The following MTFR2 variants were observed in gnomAD, a reference collection of about 807,000 sequenced individuals.
The protein encoded by MTFR2 is mitochondrial fission regulator 2.
A neutral mutation model predicts 41.2 loss-of-function variants in MTFR2; 44 were observed. That is an observed-to-expected ratio of 1.07 (90% CI 0.84 to 1.37). MTFR2 has a LOEUF of 1.37. Among genes scored for constraint, MTFR2 ranks in the 40% most tolerant of loss-of-function variants. The pLI, the probability that MTFR2 is intolerant of heterozygous loss-of-function variation, is 0.00. For synonymous variants in MTFR2, 141 were observed against 154.6 expected (o/e 0.91, Z 0.65); for missense variants, 452 against 459.5 (o/e 0.98, Z 0.15).
At chr6:136,239,984 T>A (rs1302046869) in intron 5 of MTFR2, among the ~76,000 whole-genome samples, 164 bp from the exon 6 acceptor site, 2 of 151,826 alleles carry the variant, frequency 1.3e-5, no homozygotes, top group African/African-American at 4.8e-5. Flanking sequence ...AATTTAAGAG[T>A]CAAGTCAAAT....
rs941002645 is a variant in MTFR2 at position 136,241,059 on chromosome 6, C to G, written c.514+385G>C. On this transcript the variant is annotated intron_variant, in intron 5 of 7. Coordinates refer to ENST00000420702, the MANE Select transcript of MTFR2 (RefSeq NM_001099286.3). ...TGAGCCAAGATCGTGCCACTGCACT[C>G]CAGCCTGGGCGACAGAGCAAGACTG... 2.7e-5 allele frequency among the ~76,000 whole-genome samples: 4 copies of G among 150,892 alleles called. No homozygotes were observed. In the East Asian group the frequency reaches 5.8e-4, roughly 22 times the overall value.
At chr6:136,239,143 T>G (rs892579033) in intron 6 of MTFR2, among the ~76,000 whole-genome samples, 1 of 152,208 alleles carries the variant, frequency 6.6e-6, no homozygotes, top group African/African-American at 2.4e-5. Context: ...TTTAACTATT[T>G]CAGGAAGACG....
At chr6:136,231,785 C>G (rs146860687) in intron 7 of MTFR2, among the ~76,000 whole-genome samples, 1 of 151,652 alleles carries the variant, frequency 6.6e-6, no homozygotes, top group African/African-American at 2.4e-5. Context: ...AGAAACACTT[C>G]GTTTATCCAC....
chr6:136,244,219 C>G lies in MTFR2; in HGVS notation c.168+546G>C, dbSNP rs555510230. On this transcript the variant is annotated intron_variant, in intron 3 of 7. Transcript: ENST00000420702. ...CAGTAGTGTACAGTAATGTCCTAGG[C>G]CTTCAAATTCACTCACCACTCACTG... Among the ~76,000 whole-genome samples the G allele has an allele frequency of 2.6e-5, 4 of 152,276 alleles. No homozygotes were observed. The East Asian group carries it at 7.7e-4, about 29-fold the overall frequency.
At chr6:136,237,998 C>T (rs1024573911) in intron 6 of MTFR2, among the ~76,000 whole-genome samples, 3 of 152,026 alleles carry the variant, frequency 2.0e-5, no homozygotes, top group Non-Finnish European at 2.9e-5. Flanking sequence ...ACAGAGGGAT[C>T]CTTGAGGAGA....
At chr6:136,234,974 C>T (rs1779866443) in intron 6 of MTFR2, among the ~76,000 whole-genome samples, 1 of 152,190 alleles carries the variant, frequency 6.6e-6, no homozygotes, top group African/African-American at 2.4e-5. Context: ...GCAACCTCCG[C>T]CTCCCGGGCT....
chr6:136,239,549 T>G lies in MTFR2; in HGVS notation c.786A>C (p.Ser262=), dbSNP rs753103406. 8 of 1,614,230 alleles carry G rather than the reference T, an allele frequency of 5.0e-6. No homozygotes were observed. Among genetic ancestry groups the G allele is most frequent in the Non-Finnish European group, 6.8e-6 (8 of 1,180,046 alleles). ...AANKTNYSHH[S]KSQRNKDIPN... Reference sequence around the variant, plus strand: ...GAATATCTTTATTTCTCTGGCTTTTTGAATGATGACTATAATTGGTCTTAT... The same window carrying G: ...GAATATCTTTATTTCTCTGGCTTTTGGAATGATGACTATAATTGGTCTTAT... Residue 262 remains serine (S), a synonymous_variant, in exon 6 of 8, where the codon TCA becomes TCC. Coordinates refer to ENST00000420702, the MANE Select transcript of MTFR2 (RefSeq NM_001099286.3).
rs1474664568 is a variant in MTFR2 at position 136,239,687 on chromosome 6, AGGAGGAAGT to A, written c.639_647del (p.Leu214_Pro216del). ...ACGGTGGCTGGAGAGATGAAAACTG[AGGAGGAAGT>A]GGTGGAGGAGGAGGAGGAGAAAGCA... On this transcript the variant is annotated inframe_deletion, in exon 6 of 8. Transcript: ENST00000420702. 1 of 1,613,866 alleles carries A rather than the reference AGGAGGAAGT, an allele frequency of 6.2e-7. No individual in the cohort carries two copies. Among genetic ancestry groups the A allele is most frequent in the Non-Finnish European group, 8.5e-7 (1 of 1,180,006 alleles).
chr6:136,246,898 T>C (rs566438946), intron 2 of MTFR2, among the ~76,000 whole-genome samples: 2 of 152,318 alleles, frequency 1.3e-5, no homozygotes, highest in East Asian at 1.9e-4. Context: ...TTACATTCTA[T>C]ACCACATTGC....
intron 7 of MTFR2, 86 bp downstream of exon 7, chr6:136,233,239 T>C: frequency 8.3e-7 from 1 of 1,209,998 alleles, no homozygotes; most frequent in Non-Finnish European, 1.2e-6. Context: ...GCACAATTAC[T>C]TCAAGAGAAC....
rs759758528 is a variant in MTFR2 at position 136,241,638 on chromosome 6, A to C, written c.320T>G (p.Ile107Ser). 3 of 1,613,186 alleles carry C rather than the reference A, an allele frequency of 1.9e-6. No individual in the cohort carries two copies. The highest frequency in any genetic ancestry group is 2.5e-6 in the Non-Finnish European group (3 of 1,179,822). ...CCGAACTAGTCGCAAAGGATGAAAA[A>C]TTTCCACTTTCTCTTCTTCATTTTT... ...IWKNEEEKVE[I>S]FHPLRLVRDP... Residue 107 changes from isoleucine to serine, a missense_variant, in exon 5 of 8, where the codon ATT (isoleucine) becomes AGT (serine). Ile to Ser is a moderately radical substitution (Grantham distance 142, BLOSUM62 -2). Transcript: ENST00000420702.
chr6:136,236,692 T>C (rs1490736541), intron 6 of MTFR2, among the ~76,000 whole-genome samples: 3 of 152,084 alleles, frequency 2.0e-5, no homozygotes, highest in Non-Finnish European at 4.4e-5. Context: ...TTCACAAGGA[T>C]TTCACTTAAA....
chr6:136,244,076 T>A (rs1430526486), intron 3 of MTFR2, among the ~76,000 whole-genome samples: 2 of 152,166 alleles, frequency 1.3e-5, no homozygotes, highest in Non-Finnish European at 2.9e-5. Flanking sequence ...TCAAAAATTT[T>A]TACAAAATAA....
chr6:136,238,373 C>A (rs1281016222), intron 6 of MTFR2, among the ~76,000 whole-genome samples: 2 of 151,966 alleles, frequency 1.3e-5, no homozygotes, highest in African/African-American at 4.8e-5. Flanking sequence ...CTTTGAGAGA[C>A]CGAGGCAGGA....
intron 2 of MTFR2, chr6:136,247,503 AAT>A (rs1268344334): frequency 6.6e-6 from 3 of 456,082 alleles, no homozygotes; most frequent in Admixed American, 4.7e-5. Context: ...GTGGATCTTA[AAT>A]TTCTTCCTGT....
intron 3 of MTFR2, among the ~76,000 whole-genome samples, chr6:136,244,256 G>A (rs1780157605): frequency 6.6e-6 from 1 of 152,146 alleles, no homozygotes; most frequent in South Asian, 2.1e-4. Flanking sequence ...CTCACCCAGA[G>A]CAACTTCCCA....
intron 3 of MTFR2, 51 bp downstream of exon 3, chr6:136,244,714 C>A: frequency 7.9e-7 from 1 of 1,263,582 alleles, no homozygotes; most frequent in Non-Finnish European, 1.2e-6. Context: ...GTAAGAGTAC[C>A]TAGGATTATT....
intron 3 of MTFR2, among the ~76,000 whole-genome samples, chr6:136,244,405 G>A (rs1448495322): frequency 1.3e-5 from 2 of 152,184 alleles, no homozygotes; most frequent in Non-Finnish European, 2.9e-5. Context: ...ATTCGGTAAA[G>A]TAACATGCTG....
chr6:136,240,937 A>G (rs1198137025), intron 5 of MTFR2, among the ~76,000 whole-genome samples: 2 of 152,094 alleles, frequency 1.3e-5, no homozygotes, highest in African/African-American at 4.8e-5. Flanking sequence ...TAAAAATACA[A>G]AAAATTAGCC....
Sources: gnomAD v4.1 joint callset for allele counts (sites outside exome capture counted in the v4.1 genomes callset) on GRCh38, gnomAD v4.1.1 for gene constraint, MANE v1.5 for transcripts, NCBI Gene and HGNC (gene_info 2026-07-23, HGNC 2026-07-21) for gene names.